Variants in GRB2 observed in about 807,000 individuals in gnomAD.
GRB2 encodes the protein growth factor receptor bound protein 2, also known as growth factor receptor-bound protein 2.
A neutral mutation model predicts 27.4 loss-of-function variants in GRB2; 2 were observed. That is an observed-to-expected ratio of 0.07 (90% CI 0.03 to 0.23). The LOEUF (loss-of-function observed/expected upper bound fraction) is 0.23. GRB2 is among the 10% of genes least tolerant of loss of function. GRB2 has a pLI of 1.00. For missense variants in GRB2, 102 were observed against 282.4 expected (o/e 0.36, Z 4.58); for synonymous variants, 94 against 99.6 (o/e 0.94, Z 0.33).
chr17:75,332,022 C>T (rs115838956), intron 3 of GRB2, among the ~76,000 whole-genome samples: 129 of 152,154 alleles, frequency 8.5e-4, no homozygotes, highest in African/African-American at 3.0e-3. Context: ...TCCCCTGACA[C>T]ACTTGTAAGG....
intron 1 of GRB2, among the ~76,000 whole-genome samples, chr17:75,395,634 C>T (rs55905119): frequency 0.025 from 3,849 of 152,184 alleles, 74 homozygotes; most frequent in Middle Eastern, 0.061. Flanking sequence ...GGTCAATGCA[C>T]AAAATGGATA....
chr17:75,324,983 G>A (rs2078488970), intron 4 of GRB2, among the ~76,000 whole-genome samples: 1 of 152,122 alleles, frequency 6.6e-6, no homozygotes, highest in Non-Finnish European at 1.5e-5. Flanking sequence ...GGTGGGGCAG[G>A]GAGAACTGCT....
At chr17:75,374,591 GCACATGCCTGTAGT>G (rs985002064) in intron 2 of GRB2, among the ~76,000 whole-genome samples, 7 of 151,416 alleles carry the variant, frequency 4.6e-5, no homozygotes, top group Non-Finnish European at 1.0e-4. Context: ...GAGTGTGGTG[GCACATGCCTGTAGT>G]CACACACACA....
chr17:75,371,318 C>T (rs1453146564), intron 2 of GRB2: 1 of 151,850 alleles, frequency 6.6e-6, no homozygotes, highest in African/African-American at 2.4e-5. Context: ...TCAAGGGTTT[C>T]TATTTCTGGT....
chr17:75,349,113 G>A (rs966892548), intron 2 of GRB2, among the ~76,000 whole-genome samples: 1 of 152,254 alleles, frequency 6.6e-6, no homozygotes, highest in African/African-American at 2.4e-5. Flanking sequence ...TATAACAGGT[G>A]AGAGGGTATA....
rs796075893 is a variant in GRB2, at chr17:75,337,864, C to CCTACTTTTA, written c.79-5068_79-5067insTAAAAGTAG. On this transcript the variant is annotated intron_variant, in intron 2 of 5. Coordinates refer to ENST00000316804, the MANE Select transcript of GRB2 (RefSeq NM_002086.5). ...TATAGGCGTGAGCCACTGCGCCCGG[C>CCTACTTTTA]CTACTATTACTACTACTACTACTAC... Among the ~76,000 whole-genome samples the CCTACTTTTA allele has an allele frequency of 7.0e-4, 81 of 116,040 alleles. 2 individuals carry two copies. Among genetic ancestry groups the CCTACTTTTA allele is most frequent in the East Asian group, 2.4e-3 (8 of 3,296 alleles). 76.1% of individuals were successfully genotyped at this position (116,040 alleles called of 152,430 possible).
At chr17:75,363,859 C>CAAAAAAAAAA (rs55746272) in intron 2 of GRB2, among the ~76,000 whole-genome samples, 34 of 58,526 alleles carry the variant, frequency 5.8e-4, no homozygotes, top group Middle Eastern at 9.1e-3. Flanking sequence ...GACTCCGTCT[C>CAAAAAAAAAA]AAAAAAAAAA....
At chr17:75,393,079 A>G (rs2079008616) in intron 2 of GRB2, among the ~76,000 whole-genome samples, 1 of 152,236 alleles carries the variant, frequency 6.6e-6, no homozygotes, top group Non-Finnish European at 1.5e-5. Flanking sequence ...TACTTCTAAC[A>G]ACCTCTCTAA....
chr17:75,326,914 T>C (rs189757627), intron 3 of GRB2, among the ~76,000 whole-genome samples: 5 of 152,280 alleles, frequency 3.3e-5, no homozygotes, highest in East Asian at 1.9e-4. Context: ...CTTCTCAAAA[T>C]TGTCTTTAGT....
chr17:75,345,683 T>A (rs945474659), intron 2 of GRB2, among the ~76,000 whole-genome samples: 18 of 151,660 alleles, frequency 1.2e-4, no homozygotes, highest in African/African-American at 3.9e-4. Flanking sequence ...TGGGGTAGAG[T>A]GGCAAGTCCC....
chr17:75,362,056 C>G (rs2078785824), intron 2 of GRB2, among the ~76,000 whole-genome samples: 4 of 152,002 alleles, frequency 2.6e-5, no homozygotes, highest in Admixed American at 1.3e-4. Flanking sequence ...CATAATAATC[C>G]TAAGAGTACC....
chr17:75,347,267 G>A (rs541617669), intron 2 of GRB2, among the ~76,000 whole-genome samples: 1 of 152,218 alleles, frequency 6.6e-6, no homozygotes, highest in East Asian at 1.9e-4. Flanking sequence ...ACAACTGAAA[G>A]CCTGAAAGCC....
chr17:75,326,572 TCAG>T (rs1462535645), intron 3 of GRB2, among the ~76,000 whole-genome samples: 2 of 152,166 alleles, frequency 1.3e-5, no homozygotes, highest in East Asian at 3.9e-4. Flanking sequence ...GTAACTAAGG[TCAG>T]CATTCCTCTC....
intron 2 of GRB2, among the ~76,000 whole-genome samples, chr17:75,347,199 G>A (rs1250412615): frequency 3.3e-5 from 5 of 152,114 alleles, no homozygotes; most frequent in Non-Finnish European, 5.9e-5. Context: ...AGCGGCAGGA[G>A]GCAGACAAAT....
chr17:75,369,319 G>A lies in GRB2; in HGVS notation c.78+24232C>T, dbSNP rs142032467. On this transcript the variant is annotated intron_variant, in intron 2 of 5. Transcript: ENST00000316804. ...CATATCAAAAGTAACGTATTTAAAT[G>A]ATTTTAAGCTGGAACAGGAGTAGCA... 4.8e-3 allele frequency among the ~76,000 whole-genome samples: 735 copies of A among 152,266 alleles called. 1 individual carries two copies. Among genetic ancestry groups the A allele is most frequent in the Non-Finnish European group, 8.5e-3 (576 of 68,020 alleles).
At chr17:75,354,073 G>T (rs1567864901) in intron 2 of GRB2, among the ~76,000 whole-genome samples, 1 of 151,960 alleles carries the variant, frequency 6.6e-6, no homozygotes, top group African/African-American at 2.4e-5. Flanking sequence ...GTGCGTGAGG[G>T]GCAAATGTTT....
intron 2 of GRB2, among the ~76,000 whole-genome samples, chr17:75,385,559 A>C (rs767770347): frequency 2.0e-5 from 3 of 152,136 alleles, no homozygotes; most frequent in Non-Finnish European, 2.9e-5. Flanking sequence ...ATAAAAATAA[A>C]AAAAGGGAAA....
chr17:75,342,423 A>AT (rs1436715713), intron 2 of GRB2, among the ~76,000 whole-genome samples: 1 of 152,062 alleles, frequency 6.6e-6, no homozygotes, highest in Non-Finnish European at 1.5e-5. Context: ...CAATTTATAC[A>AT]TTCTCTCTCT....
intron 2 of GRB2, among the ~76,000 whole-genome samples, chr17:75,334,993 T>A (rs150904250): frequency 6.6e-6 from 1 of 151,904 alleles, no homozygotes. Context: ...CCTGGGACTA[T>A]AGGCACTTGC....
Sources: gnomAD v4.1 joint callset for allele counts (sites outside exome capture counted in the v4.1 genomes callset) on GRCh38, gnomAD v4.1.1 for gene constraint, MANE v1.5 for transcripts, NCBI Gene and HGNC (gene_info 2026-07-23, HGNC 2026-07-21) for gene names.